Variants in TRPS1 observed in about 807,000 individuals in gnomAD.
TRPS1 encodes transcriptional repressor GATA binding 1, also known as zinc finger transcription factor Trps1.
In TRPS1, 6 loss-of-function variants were observed where a neutral mutation model predicts 101.2. The observed-to-expected ratio is 0.06, with a 90% CI of 0.03 to 0.12. The LOEUF (loss-of-function observed/expected upper bound fraction) is 0.12. Ranked by LOEUF, TRPS1 falls within the 10% of genes least tolerant of loss-of-function variation. The probability of loss-of-function intolerance (pLI) is 1.00; values close to 1 mark genes in which losing one functional copy is unlikely to be tolerated. For missense variants in TRPS1, 1,363 were observed against 1,567.0 expected, an observed-to-expected ratio of 0.87 and a Z score of 2.20; for synonymous variants, 578 against 589.8, an observed-to-expected ratio of 0.98 and a Z score of 0.29.
chr8:115,627,087 G>A (rs931342895), intron 1 of TRPS1, among the ~76,000 whole-genome samples: 2 of 151,486 alleles, frequency 1.3e-5, no homozygotes, highest in African/African-American at 4.8e-5. Flanking sequence ...TAGGACACAT[G>A]TATATATATA....
intron 5 of TRPS1, among the ~76,000 whole-genome samples, chr8:115,441,405 C>T (rs3824197): frequency 0.24 from 36,341 of 152,120 alleles, 5,138 homozygotes; most frequent in Middle Eastern, 0.44. Flanking sequence ...AGCTCACATA[C>T]GAAATACATA....
intron 4 of TRPS1, among the ~76,000 whole-genome samples, chr8:115,599,846 G>A (rs568923447): frequency 1.3e-5 from 2 of 151,164 alleles, no homozygotes; most frequent in South Asian, 2.1e-4. Flanking sequence ...AATCCTTTGC[G>A]TATATACCCA....
intron 5 of TRPS1, among the ~76,000 whole-genome samples, chr8:115,548,169 G>C (rs1431351416): frequency 6.6e-6 from 1 of 152,058 alleles, no homozygotes; most frequent in Non-Finnish European, 1.5e-5. Flanking sequence ...AGGAGGTTGA[G>C]GCTGCAGTGA....
At chr8:115,446,064 C>G (rs1813726806) in intron 5 of TRPS1, among the ~76,000 whole-genome samples, 1 of 152,122 alleles carries the variant, frequency 6.6e-6, no homozygotes, top group East Asian at 1.9e-4. Context: ...GTGAAATGCA[C>G]CATTTTGGCT....
At chr8:115,662,329 C>T (rs1471348285) in intron 1 of TRPS1, among the ~76,000 whole-genome samples, 3 of 151,298 alleles carry the variant, frequency 2.0e-5, no homozygotes, top group Non-Finnish European at 2.9e-5. Flanking sequence ...TAAATGTGCT[C>T]TAGGTAAAGA....
intron 5 of TRPS1, among the ~76,000 whole-genome samples, chr8:115,545,078 T>C (rs1459029221): frequency 6.6e-6 from 1 of 152,204 alleles, no homozygotes; most frequent in Non-Finnish European, 1.5e-5. Flanking sequence ...AAATTCTCTT[T>C]ATCAAAATTA....
chr8:115,458,284 G>C (rs765072301), intron 5 of TRPS1, among the ~76,000 whole-genome samples: 4 of 152,086 alleles, frequency 2.6e-5, no homozygotes, highest in Non-Finnish European at 5.9e-5. Flanking sequence ...TTTTGTAAAT[G>C]GGGTATGGTA....
At chr8:115,551,365 GC>G (rs1285976832) in intron 5 of TRPS1, among the ~76,000 whole-genome samples, 11 of 152,090 alleles carry the variant, frequency 7.2e-5, no homozygotes, top group African/African-American at 2.7e-4. Context: ...AAAGTCAACA[GC>G]TTTGCTCAAG....
At chr8:115,508,409 A>G (rs890428496) in intron 5 of TRPS1, among the ~76,000 whole-genome samples, 4 of 152,086 alleles carry the variant, frequency 2.6e-5, no homozygotes, top group African/African-American at 9.7e-5. Context: ...TTCCTGTCAA[A>G]TATTGTCGTA....
chr8:115,629,251 TTG>T (rs1007688965), intron 1 of TRPS1, among the ~76,000 whole-genome samples: 59 of 152,056 alleles, frequency 3.9e-4, no homozygotes, highest in African/African-American at 1.4e-3. Context: ...GGATTTGTTT[TTG>T]TTTTTTTGTT....
At chr8:115,616,110 T>TA in intron 3 of TRPS1, among the ~76,000 whole-genome samples, 1 of 152,328 alleles carries the variant, frequency 6.6e-6, no homozygotes, top group South Asian at 2.1e-4. Flanking sequence ...GAGAATCTGA[T>TA]AAATGCCACA....
chr8:115,558,237 C>A (rs1405092834), intron 5 of TRPS1, among the ~76,000 whole-genome samples: 1 of 152,106 alleles, frequency 6.6e-6, no homozygotes, highest in Non-Finnish European at 1.5e-5. Context: ...TATAATTTAA[C>A]TTAATCTAGC....
intron 5 of TRPS1, among the ~76,000 whole-genome samples, chr8:115,499,564 C>T (rs1350181583): frequency 1.3e-5 from 2 of 151,976 alleles, no homozygotes; most frequent in African/African-American, 4.8e-5. Context: ...CAGATTTTAC[C>T]TCTAAACAAC....
chr8:115,546,933 G>A (rs926322696), intron 5 of TRPS1, among the ~76,000 whole-genome samples: 8 of 152,202 alleles, frequency 5.3e-5, no homozygotes, highest in African/African-American at 1.7e-4. Flanking sequence ...CCAATCCTAC[G>A]TTAACTGTTC....
chr8:115,576,256 T>A (rs1817314586), intron 5 of TRPS1, among the ~76,000 whole-genome samples: 1 of 151,664 alleles, frequency 6.6e-6, no homozygotes, highest in Non-Finnish European at 1.5e-5. Flanking sequence ...TGGTTGGAAA[T>A]CATATTTAAG....
intron 5 of TRPS1, chr8:115,515,219 A>T (rs1016917839): frequency 2.7e-5 from 19 of 696,680 alleles, no homozygotes; most frequent in Non-Finnish European, 4.7e-5. Context: ...CATGGAAGCA[A>T]TGGAGATCTG....
chr8:115,469,836 T>A (rs1005050106), intron 5 of TRPS1, among the ~76,000 whole-genome samples: 2 of 152,130 alleles, frequency 1.3e-5, no homozygotes, highest in Non-Finnish European at 2.9e-5. Flanking sequence ...GCCTGGTTTG[T>A]TTTTTTAAAA....
chr8:115,413,873 A>C lies in TRPS1; in HGVS notation c.*150T>G, dbSNP rs963393981. On this transcript the variant is annotated 3_prime_UTR_variant, in exon 7 of 7. Coordinates refer to ENST00000395715, the MANE Select transcript of TRPS1 (RefSeq NM_014112.5). Reference sequence around the variant, plus strand: ...TTTAATCTTGGTAACCTACTCATCAAAAGAAAGAATAACAAAAGAAGGGAA... The same window carrying C: ...TTTAATCTTGGTAACCTACTCATCACAAGAAAGAATAACAAAAGAAGGGAA... The C allele has an allele frequency of 2.6e-6, 2 of 770,216 alleles. No individual in the cohort carries two copies. The highest frequency in any genetic ancestry group is 3.5e-5 in the African/African-American group (2 of 56,644). The allele number at this position is 770,216 out of a possible 1,614,324, so 47.7% of individuals were successfully genotyped here.
At chr8:115,474,081 T>C (rs1274331023) in intron 5 of TRPS1, among the ~76,000 whole-genome samples, 1 of 152,210 alleles carries the variant, frequency 6.6e-6, no homozygotes, top group African/African-American at 2.4e-5. Context: ...TGAAATACTC[T>C]GCTCTATACA....
Sources: gnomAD v4.1 joint callset for allele counts (sites outside exome capture counted in the v4.1 genomes callset) on GRCh38, gnomAD v4.1.1 for gene constraint, MANE v1.5 for transcripts, NCBI Gene and HGNC (gene_info 2026-07-23, HGNC 2026-07-21) for gene names.